The following GLB1L3 variants were observed in gnomAD, a reference collection of about 807,000 sequenced individuals.
The protein encoded by GLB1L3 is beta-galactosidase-1-like protein 3.
GLB1L3 carries 89 observed loss-of-function variants against 89.5 expected under a neutral mutation model. That is an observed-to-expected ratio of 0.99 (90% CI 0.84 to 1.19). The LOEUF (loss-of-function observed/expected upper bound fraction) is 1.19. Ranked by LOEUF, GLB1L3 falls within the 50% of genes most tolerant of loss-of-function variation. GLB1L3 has a pLI of 0.00. For synonymous variants in GLB1L3, 314 were observed against 312.3 expected (o/e 1.01, Z -0.06); for missense variants, 812 against 813.3 (o/e 1.00, Z 0.02).
In GLB1L3 at chr11:134,277,730, G is replaced by A; in HGVS notation, c.180G>A (p.Glu60=). ...RFNWSHLTPL[E]LKNRSVGLGT... ...ATTGGTCTCATCTGACCCCTCTGGAGCTGAAGAATCGATCTGTGGGACTTG... is the reference window on the plus strand; with the variant it reads ...ATTGGTCTCATCTGACCCCTCTGGAACTGAAGAATCGATCTGTGGGACTTG... The change falls in exon 3 of 20, where the codon GAG becomes GAA. Residue 60 remains glutamate (E), a synonymous_variant. Transcript: ENST00000431683. The A allele has an allele frequency of 6.2e-7, 1 of 1,612,394 alleles. No individual in the cohort carries two copies. Among genetic ancestry groups the A allele is most frequent in the Non-Finnish European group, 8.5e-7 (1 of 1,179,256 alleles).
At chr11:134,325,146 AT>A in the GLB1L3 span, among the ~76,000 whole-genome samples, 1 of 152,200 alleles carries the variant, frequency 6.6e-6, no homozygotes, top group Non-Finnish European at 1.5e-5. Flanking sequence ...AACAGTTTTT[AT>A]AATAATCAGT....
chr11:134,277,998 C>T, intron 3 of GLB1L3, 86 bp downstream of exon 3: 1 of 1,312,476 alleles, frequency 7.6e-7, no homozygotes, highest in Non-Finnish European at 1.1e-6. Context: ...TTTGGGGGCC[C>T]AGCGTGAGGA....
rs1169892383 is a variant in GLB1L3 at position 134,288,804 on chromosome 11, C to A, written c.643C>A (p.Gln215Lys). 1.2e-6 allele frequency: 2 copies of A among 1,612,590 alleles called. No homozygotes were observed. The highest frequency in any genetic ancestry group is 2.2e-5 in the East Asian group (1 of 44,846). Residue 215 changes from glutamine (Q) to lysine (K), a missense_variant, in exon 7 of 20, where the codon CAG becomes AAG. This residue lies in a region of GLB1L3 where 618 missense variants were observed against 604.0 expected (regional missense o/e 1.02). Coordinates refer to ENST00000431683, the MANE Select transcript of GLB1L3 (RefSeq NM_001080407.3). The stretch of plus-strand genomic sequence containing the variant: ...TCCTATGCTTGTTTCTCAGTACCGC[C>A]AGGCAGGCCCTGTCATCGCGGTGCA... ...IPRVIPLQYR[Q>K]AGPVIAVQVE...
At chr11:134,324,568 G>A in the GLB1L3 span, among the ~76,000 whole-genome samples, 11 of 152,172 alleles carry the variant, frequency 7.2e-5, no homozygotes, top group African/African-American at 2.2e-4. Context: ...AATTTTTGCC[G>A]ACCACTATCG....
intron 7 of GLB1L3, among the ~76,000 whole-genome samples, chr11:134,289,994 C>T (rs1420835519): frequency 2.0e-5 from 3 of 152,148 alleles, no homozygotes; most frequent in Admixed American, 6.5e-5. Flanking sequence ...GAGGCCGGGG[C>T]GGGAAGGAGA....
intron 18 of GLB1L3, among the ~76,000 whole-genome samples, chr11:134,314,854 T>G (rs1202928864): frequency 6.6e-6 from 1 of 152,214 alleles, no homozygotes; most frequent in Non-Finnish European, 1.5e-5. Flanking sequence ...TTTTTCTGTG[T>G]GGGGTGAGTT....
At chr11:134,310,531 A>C in intron 11 of GLB1L3, 40 bp from the exon 12 acceptor site, 1 of 1,528,728 alleles carries the variant, frequency 6.5e-7, no homozygotes, top group Non-Finnish European at 9.0e-7. Context: ...GGCCTCCTGC[A>C]GAGACTGCAT....
At chr11:134,275,868 C>T (rs1300664450), upstream of GLB1L3, 2 of 152,342 alleles carry the variant, frequency 1.3e-5, no homozygotes, top group Non-Finnish European at 2.9e-5. Flanking sequence ...GGAACCCGTG[C>T]CCTCCTCCTG....
At chr11:134,277,231 T>C in intron 1 of GLB1L3, 95 bp from the exon 2 acceptor site, 2 of 1,538,424 alleles carry the variant, frequency 1.3e-6, no homozygotes, top group South Asian at 2.2e-5. Context: ...TCCCTGGCTC[T>C]GGCCTCTAAA....
At chr11:134,296,178 A>C in intron 9 of GLB1L3, among the ~76,000 whole-genome samples, 1 of 150,906 alleles carries the variant, frequency 6.6e-6, no homozygotes, top group African/African-American at 2.4e-5. Flanking sequence ...CAGTCATTAA[A>C]AAGTCAGGAA....
rs776251455 is a variant in GLB1L3 at position 134,307,160 on chromosome 11, G to A, written c.913G>A (p.Gly305Ser). The A allele has an allele frequency of 1.4e-5, 22 of 1,613,546 alleles. No homozygotes were observed. The highest frequency in any genetic ancestry group is 5.0e-5 in the Admixed American group (3 of 59,988). Reference sequence around the variant, plus strand: ...CCTTCTGATTATGGAATACTGGGTCGGCTGGTTCGACAGATGGGGAGATAA... The same window carrying A: ...CCTTCTGATTATGGAATACTGGGTCAGCTGGTTCGACAGATGGGGAGATAA... ...KPLLIMEYWV[G>S]WFDRWGDKHH... The change falls in exon 10 of 20, where the codon GGC becomes AGC. Residue 305 changes from glycine (G) to serine (S), a missense_variant. Gly to Ser is a moderately conservative substitution (Grantham distance 56, BLOSUM62 0). Around this residue, in one of 3 missense-constraint regions of GLB1L3, gnomAD observed 618 missense variants for 604.0 expected, o/e 1.02. Coordinates refer to ENST00000431683, the MANE Select transcript of GLB1L3 (RefSeq NM_001080407.3).
chr11:134,308,312 T>G (rs148050084), intron 10 of GLB1L3, among the ~76,000 whole-genome samples: 1 of 19,618 alleles, frequency 5.1e-5, no homozygotes, highest in East Asian at 1.3e-3. Context: ...CCACCACCAC[T>G]ACCACCACCA....
At chr11:134,294,725 G>A (rs189198497) in intron 9 of GLB1L3, among the ~76,000 whole-genome samples, 1 of 152,176 alleles carries the variant, frequency 6.6e-6, no homozygotes, top group African/African-American at 2.4e-5. Flanking sequence ...ACATAAGCGC[G>A]CTCATGCAGT....
intron 7 of GLB1L3, 95 bp from the exon 8 acceptor site, chr11:134,292,037 G>A (rs1941388995): frequency 2.5e-6 from 2 of 794,020 alleles, no homozygotes; most frequent in South Asian, 1.7e-5. Flanking sequence ...CAGAATGCAT[G>A]GATGCAGAAC....
chr11:134,310,729 T>A, intron 12 of GLB1L3, 78 bp downstream of exon 12: 1 of 1,115,010 alleles, frequency 9.0e-7, no homozygotes, highest in Non-Finnish European at 1.3e-6. Flanking sequence ...GAGGAAGGCG[T>A]GGGTCTCCCT....
chr11:134,288,702 C>A, intron 6 of GLB1L3, 96 bp from the exon 7 acceptor site: 1 of 790,816 alleles, frequency 1.3e-6, no homozygotes, highest in African/African-American at 1.7e-5. Flanking sequence ...CAGAGCCTGC[C>A]GCACCAGCTG....
Position 134,318,997 on chromosome 11 carries a change from C to T in GLB1L3, c.*55C>T. 2.3e-6 allele frequency: 3 copies of T among 1,312,116 alleles called. No homozygotes were observed. In the South Asian group the frequency reaches 3.6e-5, roughly 16 times the overall value. 81.3% of individuals were successfully genotyped at this position (1,312,116 alleles called of 1,614,324 possible). A position where few individuals can be genotyped will look rare whatever the true frequency, so the allele number is the denominator to read the frequency against. Reference sequence around the variant, plus strand: ...TGAGATGGAGTCTCACTTTGTCGCCCAGGCTGGAGTGCAGTGGCACAATCT... The same window carrying T: ...TGAGATGGAGTCTCACTTTGTCGCCTAGGCTGGAGTGCAGTGGCACAATCT... On this transcript the variant is annotated 3_prime_UTR_variant, in exon 20 of 20. Coordinates refer to ENST00000431683, the MANE Select transcript of GLB1L3 (RefSeq NM_001080407.3).
chr11:134,313,712 C>CT (rs1221801242), intron 16 of GLB1L3, among the ~76,000 whole-genome samples: 1 of 152,222 alleles, frequency 6.6e-6, no homozygotes, highest in African/African-American at 2.4e-5. Flanking sequence ...GGCCAGTCTC[C>CT]TTTTGGGAAT....
chr11:134,308,490 CACCACCAA>C (rs1942487305), intron 10 of GLB1L3, among the ~76,000 whole-genome samples: 1 of 8,422 alleles, frequency 1.2e-4, no homozygotes, highest in Non-Finnish European at 2.7e-4. Flanking sequence ...CCACCACCAT[CACCACCAA>C]ATACCACCAC....
Sources: gnomAD v4.1 joint callset for allele counts (sites outside exome capture counted in the v4.1 genomes callset) on GRCh38, gnomAD v4.1.1 for gene constraint, gnomAD v4.1.1 regional missense constraint, MANE v1.5 for transcripts, NCBI Gene and HGNC (gene_info 2026-07-23, HGNC 2026-07-21) for gene names.